Variants in CNOT1 observed in about 807,000 individuals in gnomAD.
CNOT1 encodes the protein CCR4-NOT transcription complex subunit 1, also known as CCR4-associated factor 1.
In CNOT1, 15 loss-of-function variants were observed where a neutral mutation model predicts 273.8. The observed-to-expected ratio is 0.05, with a 90% confidence interval of 0.04 to 0.08. The LOEUF (loss-of-function observed/expected upper bound fraction) is 0.08, where lower values mean the gene tolerates loss of function less well. Ranked by LOEUF, CNOT1 falls within the 10% of genes least tolerant of loss-of-function variation. The probability of loss-of-function intolerance (pLI) is 1.00; values close to 1 mark genes in which losing one functional copy is unlikely to be tolerated. For synonymous variants in CNOT1, 1,022 were observed against 1,005.5 expected, an observed-to-expected ratio of 1.02 and a Z score of -0.31; for missense variants, 1,644 against 2,912.2, an observed-to-expected ratio of 0.56 and a Z score of 10.02.
In CNOT1 at chr16:58,584,963, GA is replaced by G. The variant is rs201597290; in HGVS notation, c.806+374del. On this transcript the variant is annotated intron_variant, in intron 8 of 48. Transcript: ENST00000317147. The stretch of plus-strand genomic sequence containing the variant: ...AAGCCACAGAAGAAGGCAGAATGAA[GA>G]AATTAGAGGGGTGGGGGTCAGAGAG... 9.0e-4 allele frequency among the ~76,000 whole-genome samples: 137 copies of G among 152,194 alleles called. 2 individuals are homozygous for G. In the East Asian group the frequency reaches 0.025, roughly 27 times the overall value.
intron 13 of CNOT1, 129 bp downstream of exon 13, chr16:58,578,570 C>T (rs2041547703): frequency 1.4e-6 from 2 of 1,428,604 alleles, no homozygotes; most frequent in Admixed American, 2.6e-5. Flanking sequence ...AGTTTTATGA[C>T]AGTATGACTT....
chr16:58,583,202 T>C lies in CNOT1; in HGVS notation c.807-20A>G, dbSNP rs2041711475. ...TCAATACTGAAACAGAAATATAACT[T>C]CAGAAAAATGCTACCAGCCTCAACA... On this transcript the variant is annotated intron_variant, in intron 8 of 48. Transcript: ENST00000317147. The C allele has an allele frequency of 6.2e-7, 1 of 1,610,324 alleles. No individual in the cohort carries two copies. Among genetic ancestry groups the C allele is most frequent in the East Asian group, 2.2e-5 (1 of 44,806 alleles).
chr16:58,524,055 G>A (rs757401828), intron 46 of CNOT1, among the ~76,000 whole-genome samples: 18 of 151,962 alleles, frequency 1.2e-4, no homozygotes, highest in African/African-American at 1.9e-4. Flanking sequence ...CAAGACCAGC[G>A]TGGCCAACAT....
chr16:58,558,458 T>G lies in CNOT1; in HGVS notation c.2332+15A>C. On this transcript the variant is annotated intron_variant, in intron 18 of 48. Coordinates refer to ENST00000317147, the MANE Select transcript of CNOT1 (RefSeq NM_016284.5). ...ACTTATGAATAATCCATGCTCTCATTTGCCTCCCCCTTACCTGGAAGCTGT... is the reference window on the plus strand; with the variant it reads ...ACTTATGAATAATCCATGCTCTCATGTGCCTCCCCCTTACCTGGAAGCTGT... 6.2e-7 allele frequency: 1 copy of G among 1,613,590 alleles called. No homozygotes were observed. The highest frequency in any genetic ancestry group is 8.5e-7 in the Non-Finnish European group (1 of 1,179,934).
chr16:58,618,612 G>A (rs974733124), intron 1 of CNOT1, among the ~76,000 whole-genome samples: 3 of 149,834 alleles, frequency 2.0e-5, no homozygotes, highest in Non-Finnish European at 3.0e-5. Flanking sequence ...GCATGTTGGC[G>A]CACACTCCAG....
rs1342604168 is a variant in CNOT1, at chr16:58,523,191, G to C, written c.6917+179C>G. The C allele has an allele frequency of 1.9e-5, 9 of 468,650 alleles. No individual in the cohort carries two copies. In the South Asian group the frequency reaches 3.9e-4, roughly 20 times the overall value. The allele number at this position is 468,650 out of a possible 1,614,324, so 29.0% of individuals were successfully genotyped here. On this transcript the variant is annotated intron_variant, in intron 47 of 48. Transcript: ENST00000317147. ...ACCTGGGAGGCGGAGGTTGCAGTGA[G>C]CCAAGATGGCGCCACTGTACTGCAG...
At chr16:58,527,995 C>G (rs972955920) in intron 44 of CNOT1, 1 of 350,412 alleles carries the variant, frequency 2.9e-6, no homozygotes, top group African/African-American at 2.2e-5. Flanking sequence ...TGCCTGTAAT[C>G]CCAGCTACTT....
chr16:58,575,902 A>G (rs1006047821), intron 14 of CNOT1, among the ~76,000 whole-genome samples: 2 of 152,214 alleles, frequency 1.3e-5, no homozygotes, highest in African/African-American at 4.8e-5. Flanking sequence ...TGTATCTAAC[A>G]TAACTTATGA....
intron 30 of CNOT1, 47 bp downstream of exon 30, chr16:58,545,314 C>A (rs761462031): frequency 1.2e-6 from 2 of 1,600,178 alleles, no homozygotes; most frequent in Non-Finnish European, 1.7e-6. Flanking sequence ...ACAAAATTTA[C>A]CTTATCACAA....
intron 16 of CNOT1, among the ~76,000 whole-genome samples, chr16:58,572,082 G>A (rs1327208581): frequency 6.6e-6 from 1 of 152,076 alleles, no homozygotes; most frequent in Non-Finnish European, 1.5e-5. Context: ...TCAGGAGTTC[G>A]AGACCTGCCT....
Position 58,543,721 on chromosome 16 carries a change from T to A in CNOT1, c.4320A>T (p.Ala1440=). 6.2e-7 allele frequency: 1 copy of A among 1,614,166 alleles called. No individual in the cohort carries two copies. The highest frequency in any genetic ancestry group is 1.1e-5 in the South Asian group (1 of 91,082). The change falls in exon 31 of 49, where the codon GCA becomes GCT. Residue 1440 remains alanine (A), a synonymous_variant. Transcript: ENST00000317147. The stretch of plus-strand genomic sequence containing the variant: ...TCAAGTTACGCATCATGTGATGAGC[T>A]GCTATTCGCATTCGAGATTCCTCCG... ...LDSEESRMRI[A]AHHMMRNLTA...
intron 1 of CNOT1, among the ~76,000 whole-genome samples, chr16:58,622,628 C>T (rs1401395951): frequency 1.3e-5 from 2 of 151,944 alleles, no homozygotes; most frequent in East Asian, 1.9e-4. Context: ...GGGTGGATCA[C>T]CTGAGGTCAG....
At position 58,558,547 on chromosome 16, in the gene CNOT1, G is replaced by A; in HGVS notation, c.2258C>T (p.Ala753Val). 2 of 1,613,680 alleles carry A rather than the reference G, an allele frequency of 1.2e-6. No homozygotes were observed. The highest frequency in any genetic ancestry group is 1.1e-5 in the South Asian group (1 of 91,000). ...AFSTPQSPAKAFPPLSTPNQT... is the reference protein window; with the variant it reads ...AFSTPQSPAKVFPPLSTPNQT... Reference sequence around the variant, plus strand: ...ATTGGGGGTTGAAAGGGGTGGAAATGCTTTTGCTGGTGACTGAGGGGTACT... The same window carrying A: ...ATTGGGGGTTGAAAGGGGTGGAAATACTTTTGCTGGTGACTGAGGGGTACT... Residue 753 changes from alanine to valine, a missense_variant, in exon 18 of 49, where the codon GCA (alanine) becomes GTA (valine). Ala to Val is a moderately conservative substitution (Grantham distance 64). Around this residue, in one of 13 missense-constraint regions of CNOT1, gnomAD observed 706 missense variants for 1,021.2 expected, o/e 0.69. Coordinates refer to ENST00000317147, the MANE Select transcript of CNOT1 (RefSeq NM_016284.5).
At chr16:58,531,886 C>G in intron 42 of CNOT1, 72 bp downstream of exon 42, 1 of 1,538,514 alleles carries the variant, frequency 6.5e-7, no homozygotes. Flanking sequence ...TAATAGAAAT[C>G]TATAGGCAAT....
At chr16:58,522,528 G>A (rs1339900008) in intron 47 of CNOT1, among the ~76,000 whole-genome samples, 1 of 151,726 alleles carries the variant, frequency 6.6e-6, no homozygotes, top group Non-Finnish European at 1.5e-5. Context: ...AAATGAGCAA[G>A]TTTTAAGAGT....
intron 19 of CNOT1, among the ~76,000 whole-genome samples, chr16:58,556,109 T>G (rs1453615181): frequency 6.6e-6 from 1 of 152,238 alleles, no homozygotes; most frequent in Non-Finnish European, 1.5e-5. Context: ...CCTTCCATAA[T>G]TCTACATTAG....
At position 58,542,297 on chromosome 16, in the gene CNOT1, G is replaced by C. The variant is rs767208159; in HGVS notation, c.4614C>G (p.Arg1538=). 1 of 1,614,138 alleles carries C rather than the reference G, an allele frequency of 6.2e-7. No individual in the cohort carries two copies. Among genetic ancestry groups the C allele is most frequent in the South Asian group, 1.1e-5 (1 of 91,080 alleles). ...TTAAAACAACAGGATCACAGTATCT[G>C]CGTCCTTCTTGCCTAGCATGTTTTC... ...ELRKHARQEG[R]RYCDPVVLTY... is the part of the protein sequence containing the mutation. Residue 1538 remains arginine, a synonymous_variant, in exon 33 of 49, where the codon CGC becomes CGG. Coordinates refer to ENST00000317147, the MANE Select transcript of CNOT1 (RefSeq NM_016284.5).
chr16:58,535,787 G>A (rs191850011), intron 39 of CNOT1, among the ~76,000 whole-genome samples: 1 of 151,748 alleles, frequency 6.6e-6, no homozygotes, highest in Admixed American at 6.6e-5. Context: ...AGGCTGGAGT[G>A]CAGTGGTGCA....
chr16:58,527,058 T>C (rs2039614421), intron 44 of CNOT1, among the ~76,000 whole-genome samples: 1 of 152,030 alleles, frequency 6.6e-6, no homozygotes, highest in South Asian at 2.1e-4. Context: ...CAAACTATAG[T>C]AGCCATGTCA....
Sources: gnomAD v4.1 joint callset for allele counts (sites outside exome capture counted in the v4.1 genomes callset) on GRCh38, gnomAD v4.1.1 for gene constraint, gnomAD v4.1.1 regional missense constraint, MANE v1.5 for transcripts, NCBI Gene and HGNC (gene_info 2026-07-23, HGNC 2026-07-21) for gene names.